The following RTTN variants were observed in gnomAD, a reference collection of about 807,000 sequenced individuals.
The protein encoded by RTTN is rotatin.
RTTN carries 182 observed loss-of-function variants against 269.2 expected under a neutral mutation model. The ratio of observed to expected loss-of-function variants is 0.68; its 90% CI spans 0.60 to 0.76. The LOEUF is 0.76. Among genes scored for constraint, RTTN ranks in the 30% least tolerant of loss-of-function variants. The pLI is 0.00. For synonymous variants in RTTN, 1,006 were observed against 963.5 expected, an observed-to-expected ratio of 1.04 and a Z score of -0.82; for missense variants, 2,545 against 2,608.6, an observed-to-expected ratio of 0.98 and a Z score of 0.53.
In RTTN at chr18:70,147,452, TAC is replaced by T. The variant is rs142612772; in HGVS notation, c.2309+1447_2309+1448del. On this transcript the variant is annotated intron_variant, in intron 17 of 48. Transcript: ENST00000640769. The stretch of plus-strand genomic sequence containing the variant: ...TATTATTGCTTAGGTTTGTGTAAGG[TAC>T]ATTCTATGATGTTCACACAAGGACA... 6.0e-3 allele frequency among the ~76,000 whole-genome samples: 921 copies of T among 152,254 alleles called. 8 individuals carry two copies. The highest frequency in any genetic ancestry group is 0.01 in the Non-Finnish European group (686 of 68,004).
Position 70,062,002 on chromosome 18 carries a change from G to A in RTTN, c.4748-1960C>T, listed in dbSNP as rs550339709. 7.2e-5 allele frequency among the ~76,000 whole-genome samples: 11 copies of A among 152,150 alleles called. No homozygotes were observed. The South Asian group carries it at 2.3e-3, about 32-fold the overall frequency. ...TACAATATATTTACTTATTTGCCTT[G>A]CCTTATGAACACAATAAGTAGTTTC... is the stretch of plus-strand genomic sequence containing the variant. On this transcript the variant is annotated intron_variant, in intron 35 of 48. Transcript: ENST00000640769.
At chr18:70,026,233 G>T (rs1353340500) in intron 43 of RTTN, among the ~76,000 whole-genome samples, 1 of 152,134 alleles carries the variant, frequency 6.6e-6, no homozygotes, top group African/African-American at 2.4e-5. Context: ...TTTCCCCGCT[G>T]CTGCTCTATC....
At position 70,150,600 on chromosome 18, in the gene RTTN, T is replaced by A. The variant is rs369247502; in HGVS notation, c.2055+8A>T. On this transcript the variant is annotated splice_region_variant and intron_variant, in intron 15 of 48. Transcript: ENST00000640769. ...CTGTAATATTTTCACTCATGTTTAATGTCATACCTCACTTTCGGGCTCTTG... is the reference window on the plus strand; with the variant it reads ...CTGTAATATTTTCACTCATGTTTAAAGTCATACCTCACTTTCGGGCTCTTG... 6.2e-7 allele frequency: 1 copy of A among 1,611,326 alleles called. No homozygotes were observed. The highest frequency in any genetic ancestry group is 1.1e-5 in the South Asian group (1 of 90,950).
At chr18:70,096,341 C>A (rs2059003866) in intron 28 of RTTN, among the ~76,000 whole-genome samples, 3 of 152,200 alleles carry the variant, frequency 2.0e-5, no homozygotes, top group Non-Finnish European at 4.4e-5. Context: ...TGTTCCCTTG[C>A]TGTCAAGGAG....
chr18:70,201,923 T>C lies in RTTN; in HGVS notation c.458A>G (p.Gln153Arg), dbSNP rs960974153. ...GYFPQDKSNF[Q>R]QMEVPPRPVV... is the part of the protein sequence containing the mutation. The stretch of plus-strand genomic sequence containing the variant: ...TGGTCGTGGCGGCACTTCCATCTGC[T>C]GGAAATTACTTTTGTCTTGGGGAAA... The change falls in exon 4 of 49, where the codon CAG becomes CGG. Residue 153 changes from glutamine (Q) to arginine (R), a missense_variant. By Grantham distance (43) the Gln-to-Arg change is conservative (BLOSUM62 1). Coordinates refer to ENST00000640769, the MANE Select transcript of RTTN (RefSeq NM_173630.4). 10 of 1,612,402 alleles carry C rather than the reference T, an allele frequency of 6.2e-6. No individual in the cohort carries two copies. Among genetic ancestry groups the C allele is most frequent in the Non-Finnish European group, 8.5e-6 (10 of 1,178,556 alleles).
chr18:70,084,071 T>C (rs1270991143), intron 32 of RTTN, among the ~76,000 whole-genome samples: 1 of 152,018 alleles, frequency 6.6e-6, no homozygotes, highest in Admixed American at 6.6e-5. Flanking sequence ...TGACATGAAG[T>C]AGGAATTTAT....
At chr18:70,033,856 T>TAATACAAAAGATCCAAAA (rs71178841) in intron 40 of RTTN, among the ~76,000 whole-genome samples, 118,195 of 151,448 alleles carry the variant, frequency 0.78, 52,135 homozygotes, top group East Asian at 1. Context: ...AAGATCCAAA[T>TAATACAAAAGATCCAAAA]AAACATAATG....
At chr18:70,150,447 C>T (rs2060506800) in intron 15 of RTTN, among the ~76,000 whole-genome samples, 161 bp downstream of exon 15, 1 of 152,060 alleles carries the variant, frequency 6.6e-6, no homozygotes. Flanking sequence ...TTTTATGTAA[C>T]ATTTATTTTT....
intron 35 of RTTN, among the ~76,000 whole-genome samples, chr18:70,060,763 C>T (rs552146757): frequency 6.6e-6 from 1 of 152,252 alleles, no homozygotes; most frequent in African/African-American, 2.4e-5. Flanking sequence ...TGGCTCTCCA[C>T]TCTTTAGCCT....
At chr18:70,176,565 G>A in intron 11 of RTTN, 110 bp downstream of exon 11, 1 of 914,338 alleles carries the variant, frequency 1.1e-6, no homozygotes, top group Non-Finnish European at 1.5e-6. Context: ...TTTTGAAAAT[G>A]GCCTAAAGCA....
chr18:70,148,107 T>C (rs1219830758), intron 17 of RTTN, among the ~76,000 whole-genome samples: 1 of 152,134 alleles, frequency 6.6e-6, no homozygotes, highest in East Asian at 1.9e-4. Flanking sequence ...CAATGATCTG[T>C]CTATAAATAA....
rs1237728914 is a variant in RTTN, at chr18:70,201,982, T to C, written c.399A>G (p.Glu133=). Residue 133 remains glutamate, a splice_region_variant and synonymous_variant, in exon 4 of 49, where the codon GAA becomes GAG. Transcript: ENST00000640769. ...TTAAGATTTCAGGGTTTTTTGACAA[T>C]TCTGAAAAGGAAATAAACATTACTG... ...SSASYQTNQT[E]LSKNPEILTG... 27 of 1,575,374 alleles carry C rather than the reference T, an allele frequency of 1.7e-5. No homozygotes were observed. The highest frequency in any genetic ancestry group is 2.3e-5 in the Non-Finnish European group (26 of 1,146,094).
rs1054912309 is a variant in RTTN at position 70,205,446 on chromosome 18, G to T, written c.32-131C>A. On this transcript the variant is annotated intron_variant, in intron 1 of 48. Transcript: ENST00000640769. ...TCAGAAGCAGGCCACTGGTGCCTTC[G>T]GGACGCGAACCGCGAAGTTTACACA... is the stretch of plus-strand genomic sequence containing the variant. 6.5e-6 allele frequency: 9 copies of T among 1,378,902 alleles called. No homozygotes were observed. The African/African-American group carries it at 1.3e-4, about 20-fold the overall frequency. 85.4% of individuals were successfully genotyped at this position (1,378,902 alleles called of 1,614,324 possible). A position where few individuals can be genotyped will look rare whatever the true frequency, so the allele number is the denominator to read the frequency against.
At chr18:70,087,095 C>G (rs889044288) in intron 31 of RTTN, among the ~76,000 whole-genome samples, 1 of 151,844 alleles carries the variant, frequency 6.6e-6, no homozygotes. Flanking sequence ...CTCTGCCCCG[C>G]TTTCTCCCTT....
At chr18:70,161,790 A>G (rs2060838359) in intron 14 of RTTN, among the ~76,000 whole-genome samples, 1 of 152,218 alleles carries the variant, frequency 6.6e-6, no homozygotes, top group Non-Finnish European at 1.5e-5. Context: ...TCAAAACCAC[A>G]ATGAGATATC....
intron 5 of RTTN, among the ~76,000 whole-genome samples, chr18:70,198,815 T>G (rs913500332): frequency 1.4e-4 from 22 of 152,122 alleles, no homozygotes; most frequent in African/African-American, 5.1e-4. Context: ...ATCAAGGGCA[T>G]AAGCAATGGC....
intron 15 of RTTN, 36 bp from the exon 16 acceptor site, chr18:70,150,123 TGA>T: frequency 7.3e-7 from 1 of 1,370,090 alleles, no homozygotes; most frequent in African/African-American, 1.4e-5. Flanking sequence ...ACCAGTCAAA[TGA>T]GATGTCCCGC....
At chr18:70,067,110 T>C (rs1391779604) in intron 34 of RTTN, among the ~76,000 whole-genome samples, 1 of 152,080 alleles carries the variant, frequency 6.6e-6, no homozygotes, top group African/African-American at 2.4e-5. Flanking sequence ...AAATGCCTTA[T>C]TTTATATAGT....
rs60829502 is a variant in RTTN at position 70,040,304 on chromosome 18, C to CAA, written c.5541+7665_5541+7666dup. Among the ~76,000 whole-genome samples, 305 of 149,016 alleles carry CAA rather than the reference C, an allele frequency of 2.0e-3. 3 individuals carry two copies. The highest frequency in any genetic ancestry group is 0.01 in the Middle Eastern group (3 of 292). On this transcript the variant is annotated intron_variant, in intron 40 of 48. Coordinates refer to ENST00000640769, the MANE Select transcript of RTTN (RefSeq NM_173630.4). ...AAAAGACATTCCATGCCAATGAAAACAAAAAAAAAATTGGGAGTAGCTATA... is the reference window on the plus strand; with the variant it reads ...AAAAGACATTCCATGCCAATGAAAACAAAAAAAAAAAATTGGGAGTAGCTATA...
Sources: allele counts gnomAD v4.1 joint callset (sites outside exome capture counted in the v4.1 genomes callset), GRCh38; gene constraint gnomAD v4.1.1; transcripts MANE v1.5; gene names NCBI Gene and HGNC (gene_info 2026-07-23, HGNC 2026-07-21).